CNTLN: variants seen among roughly 807,000 people sequenced by gnomAD.
CNTLN encodes centlein, centrosomal protein.
In CNTLN, 212 loss-of-function variants were observed where a neutral mutation model predicts 180.0. That is an observed-to-expected ratio of 1.18 (90% confidence interval 1.05 to 1.32). CNTLN has a LOEUF of 1.32. Among genes scored for constraint, CNTLN ranks in the 40% most tolerant of loss-of-function variants. The pLI is 0.00. For synonymous variants in CNTLN, 722 were observed against 563.1 expected (o/e 1.28, Z -3.99); for missense variants, 2,095 against 1,610.9 (o/e 1.30, Z -5.14).
intron 2 of CNTLN, among the ~76,000 whole-genome samples, chr9:17,163,092 A>C (rs113250504): frequency 0.013 from 1,956 of 152,280 alleles, 41 homozygotes; most frequent in African/African-American, 0.045. Flanking sequence ...ATTGTGGTAG[A>C]CAAAAGAGCA....
chr9:17,259,481 T>C (rs1351713439), intron 5 of CNTLN, among the ~76,000 whole-genome samples: 1 of 149,006 alleles, frequency 6.7e-6, no homozygotes, highest in Non-Finnish European at 1.5e-5. Context: ...AGAATGATGC[T>C]GGCCTCATAA....
At chr9:17,487,118 C>A (rs778776975) in intron 25 of CNTLN, 52 bp downstream of exon 25, 2 of 1,247,122 alleles carry the variant, frequency 1.6e-6, no homozygotes, top group Non-Finnish European at 1.2e-6. Flanking sequence ...GAATTCCAAG[C>A]CTTACATTTT....
At chr9:17,265,105 C>G (rs963418114) in intron 5 of CNTLN, among the ~76,000 whole-genome samples, 2 of 148,458 alleles carry the variant, frequency 1.3e-5, no homozygotes, top group Non-Finnish European at 3.0e-5. Context: ...GAGAGGGCAT[C>G]CCTGTCTTGT....
intron 2 of CNTLN, among the ~76,000 whole-genome samples, chr9:17,201,568 A>T (rs959240836): frequency 1.3e-5 from 2 of 151,820 alleles, no homozygotes; most frequent in African/African-American, 4.8e-5. Flanking sequence ...TCTTGGGAGG[A>T]TGTATGTGTG....
Position 17,135,239 on chromosome 9 carries a change from G to C in CNTLN, c.174G>C (p.Val58=). 1.2e-6 allele frequency: 2 copies of C among 1,607,854 alleles called. No homozygotes were observed. Among genetic ancestry groups the C allele is most frequent in the Non-Finnish European group, 1.7e-6 (2 of 1,177,532 alleles). The change falls in exon 1 of 26, where the codon GTG becomes GTC. Residue 58 remains valine (V), a synonymous_variant. Transcript: ENST00000380647. ...VVADESDKIW[V]GEEGSGGRRG... The stretch of plus-strand genomic sequence containing the variant: ...CGGACGAAAGTGATAAAATCTGGGT[G>C]GGTGAAGAAGGGTCAGGGGGCCGGC...
chr9:17,457,845 T>C (rs1831223290), intron 19 of CNTLN, 130 bp downstream of exon 19: 4 of 538,942 alleles, frequency 7.4e-6, no homozygotes, highest in South Asian at 1.8e-4. Context: ...ATTATTAATA[T>C]TGCCTTCATC....
At chr9:17,259,163 A>C (rs1826747938) in intron 5 of CNTLN, among the ~76,000 whole-genome samples, 1 of 148,526 alleles carries the variant, frequency 6.7e-6, no homozygotes, top group African/African-American at 2.6e-5. Flanking sequence ...TACCTAATTT[A>C]TTGAGAGTTT....
At chr9:17,392,471 T>G (rs1014683050) in intron 14 of CNTLN, among the ~76,000 whole-genome samples, 4 of 152,184 alleles carry the variant, frequency 2.6e-5, no homozygotes, top group Admixed American at 2.6e-4. Flanking sequence ...TGGCATAGAT[T>G]TTTTTCTTGA....
rs754563994 is a variant in CNTLN, at chr9:17,409,394, G to T, written c.2717G>T (p.Ser906Ile). The T allele has an allele frequency of 1.4e-5, 23 of 1,613,408 alleles. No individual in the cohort carries two copies. The East Asian group carries it at 5.1e-4, about 36-fold the overall frequency. Residue 906 changes from serine to isoleucine, a missense_variant, in exon 16 of 26, where the codon AGT becomes ATT. Ser to Ile is a moderately radical substitution (Grantham distance 142). Transcript: ENST00000380647. ...PTEDGKDQKE[S>I]DPTEDSQTQG... ...GAAGATGGAAAAGACCAGAAAGAAA[G>T]TGATCCAACAGAAGACAGCCAAACA...
At chr9:17,356,504 G>T (rs1160175199) in intron 12 of CNTLN, among the ~76,000 whole-genome samples, 1 of 152,186 alleles carries the variant, frequency 6.6e-6, no homozygotes, top group Non-Finnish European at 1.5e-5. Context: ...GCTTTGAGCA[G>T]TGACTCTTGA....
chr9:17,291,525 G>T (rs1321027445), intron 6 of CNTLN, among the ~76,000 whole-genome samples: 1 of 152,128 alleles, frequency 6.6e-6, no homozygotes, highest in Non-Finnish European at 1.5e-5. Flanking sequence ...ATAGTTAGCA[G>T]TTCACATTGA....
chr9:17,266,390 G>A (rs1361078644), intron 5 of CNTLN, among the ~76,000 whole-genome samples: 1 of 152,152 alleles, frequency 6.6e-6, no homozygotes, highest in Non-Finnish European at 1.5e-5. Flanking sequence ...TGATTGCACT[G>A]TGGTCTGAGA....
chr9:17,479,600 G>C (rs1374435782), intron 23 of CNTLN, among the ~76,000 whole-genome samples: 1 of 152,176 alleles, frequency 6.6e-6, no homozygotes, highest in Non-Finnish European at 1.5e-5. Flanking sequence ...ATAAGCTCTA[G>C]AGATTTGTGT....
intron 5 of CNTLN, among the ~76,000 whole-genome samples, chr9:17,262,855 T>C (rs2132389931): frequency 6.6e-6 from 1 of 151,526 alleles, no homozygotes; most frequent in Admixed American, 6.6e-5. Context: ...TTGTCGTAGA[T>C]GGCTCGTAGT....
intron 23 of CNTLN, among the ~76,000 whole-genome samples, chr9:17,478,121 A>G (rs968292561): frequency 1.3e-5 from 2 of 152,242 alleles, no homozygotes; most frequent in African/African-American, 4.8e-5. Flanking sequence ...ATTTTTAATA[A>G]TAAAGTATTT....
Position 17,395,052 on chromosome 9 carries a change from G to C in CNTLN, c.2598G>C (p.Glu866Asp), listed in dbSNP as rs773756673. 6.2e-7 allele frequency: 1 copy of C among 1,608,138 alleles called. No individual in the cohort carries two copies. Among genetic ancestry groups the C allele is most frequent in the South Asian group, 1.1e-5 (1 of 90,532 alleles). Residue 866 changes from glutamate to aspartate, a missense_variant, in exon 15 of 26, where the codon GAG (glutamate) becomes GAC (aspartate). Transcript: ENST00000380647. ...AGAACCTCAGCAAGGACGGCTGGGA[G>C]GATGTGAGTGAAAGCAGGTAAGGCT... Reference protein sequence around the residue: ...VFENLSKDGWEDVSESSSDSE... With the variant: ...VFENLSKDGWDDVSESSSDSE...
At chr9:17,278,875 A>G (rs1828482763) in intron 6 of CNTLN, among the ~76,000 whole-genome samples, 1 of 152,150 alleles carries the variant, frequency 6.6e-6, no homozygotes, top group Non-Finnish European at 1.5e-5. Flanking sequence ...AAGATTGGGT[A>G]GACAGATGTT....
In CNTLN at chr9:17,383,445, C is replaced by T. The variant is rs144145389; in HGVS notation, c.1988-4717C>T. ...TGGAGGATCACTTGAGCTCTGGAGG[C>T]GGAGGTTACAGTGAGCTGAGATCAC... is the stretch of plus-strand genomic sequence containing the variant. On this transcript the variant is annotated intron_variant, in intron 13 of 25. Transcript: ENST00000380647. Among the ~76,000 whole-genome samples the T allele has an allele frequency of 6.5e-3, 987 of 151,570 alleles. 12 individuals are homozygous for T. The highest frequency in any genetic ancestry group is 0.023 in the African/African-American group (929 of 41,286).
At chr9:17,230,713 A>G (rs993325759) in intron 3 of CNTLN, among the ~76,000 whole-genome samples, 6 of 152,018 alleles carry the variant, frequency 3.9e-5, no homozygotes, top group South Asian at 2.1e-4. Context: ...CTCCCTCCAC[A>G]TACTGGAAAC....
Sources: allele counts gnomAD v4.1 joint callset (sites outside exome capture counted in the v4.1 genomes callset), GRCh38; gene constraint gnomAD v4.1.1; transcripts MANE v1.5; gene names NCBI Gene and HGNC (gene_info 2026-07-23, HGNC 2026-07-21).